The following GABRG3 variants were observed in gnomAD, a reference collection of about 807,000 sequenced individuals.
GABRG3 encodes gamma-aminobutyric acid type A receptor subunit gamma3, also known as gamma-aminobutyric acid receptor subunit gamma-3.
GABRG3 carries 25 observed loss-of-function variants against 48.8 expected under a neutral mutation model. That is an observed-to-expected ratio of 0.51 (90% CI 0.37 to 0.72). The LOEUF (loss-of-function observed/expected upper bound fraction) is 0.72, where lower values mean the gene tolerates loss of function less well. Ranked by LOEUF, GABRG3 falls within the 30% of genes least tolerant of loss-of-function variation. GABRG3 has a pLI of 0.00. For missense variants in GABRG3, 394 were observed against 577.9 expected (o/e 0.68, Z 3.26); for synonymous variants, 227 against 217.6 (o/e 1.04, Z -0.38).
intron 5 of GABRG3, among the ~76,000 whole-genome samples, chr15:27,385,850 G>T (rs896604501): frequency 1.3e-5 from 2 of 151,984 alleles, no homozygotes; most frequent in Non-Finnish European, 2.9e-5. Flanking sequence ...TGTAGTCTTT[G>T]TCTGTTAAAC....
intron 9 of GABRG3, among the ~76,000 whole-genome samples, chr15:27,531,178 G>A (rs1002590511): frequency 6.6e-6 from 1 of 152,132 alleles, no homozygotes; most frequent in Non-Finnish European, 1.5e-5. Context: ...ATGGCCACAC[G>A]TGTGAGGAGC....
chr15:27,013,092 G>A (rs1895719105), intron 2 of GABRG3, among the ~76,000 whole-genome samples: 1 of 152,130 alleles, frequency 6.6e-6, no homozygotes, highest in Non-Finnish European at 1.5e-5. Context: ...CTTATCAGCT[G>A]TAATGGAATC....
intron 2 of GABRG3, among the ~76,000 whole-genome samples, chr15:27,004,164 G>A (rs575895595): frequency 1.5e-4 from 23 of 151,054 alleles, no homozygotes; most frequent in African/African-American, 3.6e-4. Context: ...GGTGGCTGCC[G>A]GGCGGAGAGG....
Position 27,349,764 on chromosome 15 carries a change from A to G in GABRG3, c.574+20876A>G, listed in dbSNP as rs148293227. Among the ~76,000 whole-genome samples, 49 of 152,252 alleles carry G rather than the reference A, an allele frequency of 3.2e-4. 1 individual carries two copies. In the East Asian group the frequency reaches 8.9e-3, roughly 28 times the overall value. On this transcript the variant is annotated intron_variant, in intron 5 of 9. Coordinates refer to ENST00000615808, the MANE Select transcript of GABRG3 (RefSeq NM_033223.5). The stretch of plus-strand genomic sequence containing the variant: ...ACAGTTTATCAAATAATTACAGAGG[A>G]GAACTGAGAGGCTTCATAGAGCCTG...
intron 3 of GABRG3, among the ~76,000 whole-genome samples, chr15:27,082,278 A>G (rs1468768405): frequency 6.6e-6 from 1 of 152,206 alleles, no homozygotes; most frequent in African/African-American, 2.4e-5. Flanking sequence ...CTGAAAAGCC[A>G]CCCAATTTCA....
chr15:27,322,668 A>C (rs1893469926), intron 3 of GABRG3, among the ~76,000 whole-genome samples: 1 of 152,172 alleles, frequency 6.6e-6, no homozygotes, highest in Non-Finnish European at 1.5e-5. Context: ...GACTGAGGCT[A>C]AGGAAGGTAA....
chr15:27,254,964 A>C (rs556726568), intron 3 of GABRG3, among the ~76,000 whole-genome samples: 2 of 152,116 alleles, frequency 1.3e-5, no homozygotes, highest in Non-Finnish European at 2.9e-5. Flanking sequence ...AGGTGCAACC[A>C]CAGCCGGCCC....
intron 5 of GABRG3, among the ~76,000 whole-genome samples, chr15:27,358,630 A>G (rs1262254255): frequency 3.9e-5 from 6 of 152,210 alleles, no homozygotes; most frequent in Middle Eastern, 3.4e-3. Flanking sequence ...AGATCCAAAA[A>G]GGAATGCTGT....
chr15:27,019,221 A>T (rs911017151), intron 2 of GABRG3, among the ~76,000 whole-genome samples: 3 of 151,718 alleles, frequency 2.0e-5, no homozygotes, highest in Non-Finnish European at 4.4e-5. Flanking sequence ...GGCGCCCGCC[A>T]CCACGCCTGG....
intron 3 of GABRG3, among the ~76,000 whole-genome samples, chr15:27,171,471 C>G (rs904667660): frequency 3.3e-5 from 5 of 150,334 alleles, no homozygotes; most frequent in African/African-American, 1.2e-4. Flanking sequence ...CATGCTATCA[C>G]TTTTCTCCCC....
chr15:27,438,354 T>G (rs1233521046), intron 5 of GABRG3, among the ~76,000 whole-genome samples: 1 of 152,234 alleles, frequency 6.6e-6, no homozygotes, highest in Non-Finnish European at 1.5e-5. Flanking sequence ...TTTTACATTT[T>G]TATGAAGAAT....
At chr15:27,086,806 C>T (rs774139214) in intron 3 of GABRG3, among the ~76,000 whole-genome samples, 15 of 152,206 alleles carry the variant, frequency 9.9e-5, no homozygotes, top group Non-Finnish European at 2.1e-4. Flanking sequence ...GTTCTGGAGG[C>T]TCTCTCTGAG....
chr15:27,145,665 T>C (rs8041848), intron 3 of GABRG3, among the ~76,000 whole-genome samples: 90,965 of 137,530 alleles, frequency 0.66, 30,896 homozygotes, highest in Middle Eastern at 0.81. Flanking sequence ...ATCTATCTAT[T>C]GTGCCAGAAG....
chr15:27,339,761 G>T (rs1312976974), intron 5 of GABRG3, among the ~76,000 whole-genome samples: 4 of 152,204 alleles, frequency 2.6e-5, no homozygotes, highest in Non-Finnish European at 5.9e-5. Flanking sequence ...CTTTAGTGAC[G>T]TAATTTGTTC....
chr15:27,206,029 T>C (rs1228803676), intron 3 of GABRG3, among the ~76,000 whole-genome samples: 2 of 152,080 alleles, frequency 1.3e-5, no homozygotes, highest in African/African-American at 4.8e-5. Flanking sequence ...TTTATTTTTA[T>C]TGATCTTTTG....
intron 3 of GABRG3, among the ~76,000 whole-genome samples, chr15:27,166,163 T>G (rs1379840412): frequency 6.6e-6 from 1 of 152,108 alleles, no homozygotes; most frequent in Non-Finnish European, 1.5e-5. Flanking sequence ...GGATGGAAAA[T>G]GCATCCATAT....
chr15:27,505,714 A>T (rs1275237026), intron 6 of GABRG3, among the ~76,000 whole-genome samples: 1 of 152,142 alleles, frequency 6.6e-6, no homozygotes, highest in East Asian at 1.9e-4. Context: ...TTAATTAAGT[A>T]TATTAGCCTG....
chr15:27,381,055 G>A (rs1345290710), intron 5 of GABRG3, among the ~76,000 whole-genome samples: 6 of 152,066 alleles, frequency 3.9e-5, no homozygotes, highest in Non-Finnish European at 8.8e-5. Context: ...CTGAGCCACC[G>A]CGCCTGGCCT....
intron 3 of GABRG3, among the ~76,000 whole-genome samples, chr15:27,322,295 T>C (rs574922450): frequency 5.3e-5 from 8 of 152,266 alleles, no homozygotes; most frequent in Admixed American, 2.6e-4. Context: ...GAAGAAGAGC[T>C]TGCACCCGGA....
Sources: gnomAD v4.1 joint callset for allele counts (sites outside exome capture counted in the v4.1 genomes callset) on GRCh38, gnomAD v4.1.1 for gene constraint, MANE v1.5 for transcripts, NCBI Gene and HGNC (gene_info 2026-07-23, HGNC 2026-07-21) for gene names.